Variants in CRHR1 observed in about 807,000 individuals in gnomAD.
The protein encoded by CRHR1 is corticotropin-releasing hormone receptor 1.
A neutral mutation model predicts 56.0 loss-of-function variants in CRHR1; 28 were observed. The observed-to-expected ratio is 0.50, with a 90% CI of 0.37 to 0.69. The LOEUF (loss-of-function observed/expected upper bound fraction) is 0.69. Ranked by LOEUF, CRHR1 falls within the 30% of genes least tolerant of loss-of-function variation. CRHR1 has a pLI of 0.00. For missense variants in CRHR1, 376 were observed against 548.0 expected, an observed-to-expected ratio of 0.69 and a Z score of 3.13; for synonymous variants, 195 against 216.5, an observed-to-expected ratio of 0.90 and a Z score of 0.87.
intron 1 of CRHR1, among the ~76,000 whole-genome samples, chr17:45,797,457 G>A (rs1212251830): frequency 6.6e-6 from 1 of 151,670 alleles, no homozygotes; most frequent in South Asian, 2.1e-4. Context: ...CGCCCAGCTA[G>A]TTTTTTGTAT....
chr17:45,830,720 G>T (rs887363503), intron 7 of CRHR1, 150 bp downstream of exon 7: 34 of 1,209,976 alleles, frequency 2.8e-5, no homozygotes, highest in Non-Finnish European at 3.8e-5. Context: ...GCTCCTCTTG[G>T]GGGTGGGCGG....
chr17:45,831,697 T>C (rs747837967), intron 8 of CRHR1, among the ~76,000 whole-genome samples: 1 of 152,178 alleles, frequency 6.6e-6, no homozygotes, highest in Non-Finnish European at 1.5e-5. Flanking sequence ...GCAGCTCAGA[T>C]TGAGAACCAC....
intron 1 of CRHR1, among the ~76,000 whole-genome samples, chr17:45,788,917 C>T (rs2061380327): frequency 6.6e-6 from 1 of 152,150 alleles, no homozygotes; most frequent in Non-Finnish European, 1.5e-5. Context: ...CAGGTCGAAA[C>T]AGAAGGCTGA....
intron 2 of CRHR1, among the ~76,000 whole-genome samples, chr17:45,813,970 C>T (rs1223104808): frequency 1.3e-5 from 2 of 152,238 alleles, no homozygotes; most frequent in African/African-American, 4.8e-5. Flanking sequence ...GTCCTCTAGG[C>T]CAGAAGGCCT....
At chr17:45,813,887 G>A (rs999138160) in intron 2 of CRHR1, among the ~76,000 whole-genome samples, 9 of 152,348 alleles carry the variant, frequency 5.9e-5, no homozygotes, top group East Asian at 5.8e-4. Flanking sequence ...AGGTCTCCAC[G>A]TCCCTGGCCA....
At position 45,831,825 on chromosome 17, in the gene CRHR1, C is replaced by T. The variant is rs545084522; in HGVS notation, c.770+885C>T. 1.1e-4 allele frequency among the ~76,000 whole-genome samples: 17 copies of T among 152,326 alleles called. 1 individual carries two copies. In the South Asian group the frequency reaches 3.1e-3, roughly 28 times the overall value. ...CTGACGGACCTGGCGTCCAAGTGGCCTCCACCACAGTGACAAGCCCTCTCC... is the reference window on the plus strand; with the variant it reads ...CTGACGGACCTGGCGTCCAAGTGGCTTCCACCACAGTGACAAGCCCTCTCC... On this transcript the variant is annotated intron_variant, in intron 8 of 12. Coordinates refer to ENST00000314537, the MANE Select transcript of CRHR1 (RefSeq NM_004382.5).
intron 1 of CRHR1, chr17:45,800,233 GA>G (rs1225123275): frequency 6.6e-6 from 1 of 152,276 alleles, no homozygotes; most frequent in African/African-American, 2.4e-5. Context: ...GGGGGTTGGA[GA>G]CACCACTCAA....
At chr17:45,821,274 T>A in intron 3 of CRHR1, 81 bp from the exon 4 acceptor site, 1 of 1,260,536 alleles carries the variant, frequency 7.9e-7, no homozygotes, top group East Asian at 2.3e-5. Flanking sequence ...TACAGATCCA[T>A]CTACGCATCC....
At chr17:45,796,313 C>T (rs543997894) in intron 1 of CRHR1, among the ~76,000 whole-genome samples, 154 of 152,096 alleles carry the variant, frequency 1.0e-3, no homozygotes, top group Middle Eastern at 6.8e-3. Context: ...GGCTGGGCTC[C>T]CCTCTTCTGT....
intron 1 of CRHR1, among the ~76,000 whole-genome samples, chr17:45,798,866 T>C (rs923943007): frequency 6.6e-6 from 1 of 152,258 alleles, no homozygotes; most frequent in African/African-American, 2.4e-5. Context: ...TTTTCTTCTC[T>C]GTACAACAGC....
At chr17:45,807,327 C>T (rs2061739015) in intron 2 of CRHR1, among the ~76,000 whole-genome samples, 1 of 152,186 alleles carries the variant, frequency 6.6e-6, no homozygotes, top group Non-Finnish European at 1.5e-5. Context: ...TTAGTAGCAC[C>T]TGCCGTGGGC....
intron 4 of CRHR1, 22 bp downstream of exon 4, chr17:45,821,462 C>G (rs770800397): frequency 1.9e-6 from 3 of 1,606,554 alleles, no homozygotes; most frequent in Non-Finnish European, 2.5e-6. Flanking sequence ...CCGAACAAGG[C>G]TGCCCATATG....
At chr17:45,818,809 C>A (rs2061979672) in intron 3 of CRHR1, among the ~76,000 whole-genome samples, 2 of 152,338 alleles carry the variant, frequency 1.3e-5, no homozygotes, top group African/African-American at 4.8e-5. Flanking sequence ...CTAATGCCCT[C>A]CCTCCTGCTG....
chr17:45,795,755 G>T (rs1278681486), intron 1 of CRHR1, among the ~76,000 whole-genome samples: 2 of 152,182 alleles, frequency 1.3e-5, no homozygotes, highest in African/African-American at 4.8e-5. Context: ...TGTCTCCCAG[G>T]TCAGGTGTCA....
At position 45,833,701 on chromosome 17, in the gene CRHR1, C is replaced by G; in HGVS notation, c.930-13C>G. Reference sequence around the variant, plus strand: ...GGCTGTGACTCCGAGCCTCCCCACCCGCCCCACCCCAGGAAGGCTGTGAAA... The same window carrying G: ...GGCTGTGACTCCGAGCCTCCCCACCGGCCCCACCCCAGGAAGGCTGTGAAA... On this transcript the variant is annotated splice_polypyrimidine_tract_variant and intron_variant, in intron 10 of 12. Transcript: ENST00000314537. 4 of 998,074 alleles carry G rather than the reference C, an allele frequency of 4.0e-6. No homozygotes were observed. Among genetic ancestry groups the G allele is most frequent in the Non-Finnish European group, 6.3e-6 (4 of 630,652 alleles). The allele number at this position is 998,074 out of a possible 1,614,324, so 61.8% of individuals were successfully genotyped here. A position where few individuals can be genotyped will look rare whatever the true frequency, so the allele number is the denominator to read the frequency against.
chr17:45,809,580 G>A (rs929073304), intron 2 of CRHR1, among the ~76,000 whole-genome samples: 5 of 152,258 alleles, frequency 3.3e-5, no homozygotes, highest in Non-Finnish European at 5.9e-5. Flanking sequence ...CATGGCACGC[G>A]ATCCATCACC....
At chr17:45,794,936 G>A (rs897975777) in intron 1 of CRHR1, among the ~76,000 whole-genome samples, 12 of 152,214 alleles carry the variant, frequency 7.9e-5, no homozygotes, top group African/African-American at 2.9e-4. Flanking sequence ...AGCTCAGCTC[G>A]CTGACTCTGG....
chr17:45,796,777 A>T (rs1170744298), intron 1 of CRHR1, among the ~76,000 whole-genome samples: 1 of 152,144 alleles, frequency 6.6e-6, no homozygotes, highest in Non-Finnish European at 1.5e-5. Flanking sequence ...GGAAGAAAGA[A>T]AGGAAGGAAA....
intron 2 of CRHR1, among the ~76,000 whole-genome samples, chr17:45,810,106 C>G (rs1383291380): frequency 7.2e-5 from 11 of 151,980 alleles, no homozygotes; most frequent in Non-Finnish European, 4.4e-5. Context: ...ATGGTGAAAC[C>G]CCGTCTCTAC....
Sources: allele counts gnomAD v4.1 joint callset (sites outside exome capture counted in the v4.1 genomes callset), GRCh38; gene constraint gnomAD v4.1.1; transcripts MANE v1.5; gene names NCBI Gene and HGNC (gene_info 2026-07-23, HGNC 2026-07-21).